Variants in NUFIP1 observed in about 807,000 individuals in gnomAD.
NUFIP1 encodes nuclear FMR1 interacting protein 1, also known as FMR1-interacting protein NUFIP1.
NUFIP1 carries 38 observed loss-of-function variants against 56.2 expected under a neutral mutation model. That is an observed-to-expected ratio of 0.68 (90% CI 0.52 to 0.89). The LOEUF is 0.89. NUFIP1 is among the 40% of genes least tolerant of loss of function. The pLI is 0.00. For synonymous variants in NUFIP1, 215 were observed against 212.4 expected (o/e 1.01, Z -0.10); for missense variants, 567 against 605.8 (o/e 0.94, Z 0.67).
At chr13:44,984,874 A>T (rs549167320) in intron 1 of NUFIP1, among the ~76,000 whole-genome samples, 13 of 151,956 alleles carry the variant, frequency 8.6e-5, no homozygotes, top group Admixed American at 8.5e-4. Context: ...CCCACCCCAC[A>T]ACAGTCCCCA....
intron 9 of NUFIP1, among the ~76,000 whole-genome samples, chr13:44,943,027 T>C (rs376314680): frequency 2.0e-5 from 3 of 150,636 alleles, no homozygotes; most frequent in East Asian, 3.9e-4. Flanking sequence ...TCCCAGAAGA[T>C]AACAAATGAG....
intron 1 of NUFIP1, 148 bp downstream of exon 1, chr13:44,988,876 AC>A: frequency 1.4e-6 from 1 of 719,310 alleles, no homozygotes; most frequent in South Asian, 2.1e-5. Flanking sequence ...TTTTGTAGAG[AC>A]GGGGGTCTCA....
chr13:44,984,017 T>C (rs1306486139), intron 1 of NUFIP1, among the ~76,000 whole-genome samples: 1 of 152,170 alleles, frequency 6.6e-6, no homozygotes, highest in Non-Finnish European at 1.5e-5. Flanking sequence ...GACAGCTTCC[T>C]AGAGACCTTC....
intron 5 of NUFIP1, among the ~76,000 whole-genome samples, chr13:44,967,959 CTTT>C (rs35249686): frequency 3.3e-5 from 5 of 151,700 alleles, no homozygotes; most frequent in South Asian, 2.1e-4. Context: ...TACCTTCTGC[CTTT>C]TTTTTTTTAA....
At position 44,940,947 on chromosome 13, in the gene NUFIP1, A is replaced by G. The variant is rs1870711955; in HGVS notation, c.*259T>C. 7.1e-6 allele frequency: 2 copies of G among 280,392 alleles called. No individual in the cohort carries two copies. The highest frequency in any genetic ancestry group is 4.4e-5 in the African/African-American group (2 of 45,418). The allele number at this position is 280,392 out of a possible 1,614,324, so 17.4% of individuals were successfully genotyped here. A position where few individuals can be genotyped will look rare whatever the true frequency, so the allele number is the denominator to read the frequency against. On this transcript the variant is annotated 3_prime_UTR_variant, in exon 10 of 10. Transcript: ENST00000379161. ...CATTCTTACATGAGAACAATACATTAAAATAAATACAAAGAAAAAATTCTC... is the reference window on the plus strand; with the variant it reads ...CATTCTTACATGAGAACAATACATTGAAATAAATACAAAGAAAAAATTCTC...
At chr13:44,974,771 G>A (rs563064442) in intron 5 of NUFIP1, among the ~76,000 whole-genome samples, 21 of 152,248 alleles carry the variant, frequency 1.4e-4, no homozygotes, top group African/African-American at 3.8e-4. Context: ...AGGCTTGGCC[G>A]TTAGAAATCT....
chr13:44,942,762 A>G (rs1259308566), intron 9 of NUFIP1, among the ~76,000 whole-genome samples: 1 of 152,168 alleles, frequency 6.6e-6, no homozygotes, highest in African/African-American at 2.4e-5. Flanking sequence ...TAATGCTGAG[A>G]ATAAAGCCAC....
intron 5 of NUFIP1, among the ~76,000 whole-genome samples, chr13:44,978,475 A>G (rs1392210153): frequency 6.6e-6 from 1 of 152,180 alleles, no homozygotes; most frequent in African/African-American, 2.4e-5. Context: ...CTTCTGCTTC[A>G]GGATGAAGTG....
At chr13:44,957,652 G>A (rs774656637) in intron 7 of NUFIP1, among the ~76,000 whole-genome samples, 3 of 151,904 alleles carry the variant, frequency 2.0e-5, no homozygotes, top group African/African-American at 7.3e-5. Context: ...AGATACAATC[G>A]TCTTTTAGTT....
chr13:44,955,620 A>G (rs1185993447), intron 7 of NUFIP1, among the ~76,000 whole-genome samples: 1 of 152,246 alleles, frequency 6.6e-6, no homozygotes, highest in African/African-American at 2.4e-5. Context: ...CTGGCCTGCC[A>G]CTGACAACTT....
intron 9 of NUFIP1, among the ~76,000 whole-genome samples, chr13:44,943,010 A>G (rs1199731860): frequency 6.6e-6 from 1 of 151,808 alleles, no homozygotes; most frequent in Non-Finnish European, 1.5e-5. Flanking sequence ...GGAGGGAAGG[A>G]AGACAATCCC....
chr13:44,985,655 G>C (rs930731519), intron 1 of NUFIP1, among the ~76,000 whole-genome samples: 27 of 152,094 alleles, frequency 1.8e-4, no homozygotes, highest in Admixed American at 3.9e-4. Flanking sequence ...ATTGTTTTGA[G>C]ACACCATGAA....
intron 5 of NUFIP1, among the ~76,000 whole-genome samples, chr13:44,975,087 A>G (rs1871925825): frequency 6.6e-6 from 1 of 152,086 alleles, no homozygotes; most frequent in South Asian, 2.1e-4. Flanking sequence ...TTCCAGAGGA[A>G]GTTTTCTTCT....
At chr13:44,959,841 G>A (rs890380638) in intron 6 of NUFIP1, among the ~76,000 whole-genome samples, 22 of 151,974 alleles carry the variant, frequency 1.4e-4, no homozygotes, top group African/African-American at 4.8e-4. Context: ...TTATCCCTCT[G>A]AAATTGGGCT....
At chr13:44,949,531 A>G (rs1871015773) in intron 8 of NUFIP1, among the ~76,000 whole-genome samples, 191 bp downstream of exon 8, 1 of 152,154 alleles carries the variant, frequency 6.6e-6, no homozygotes, top group Non-Finnish European at 1.5e-5. Flanking sequence ...TTTTATTCCC[A>G]GAGTAGCAAC....
At chr13:44,978,682 C>T (rs1872074933) in intron 5 of NUFIP1, among the ~76,000 whole-genome samples, 1 of 152,082 alleles carries the variant, frequency 6.6e-6, no homozygotes, top group South Asian at 2.1e-4. Context: ...ATCTCTTATC[C>T]TTAGCACCTG....
intron 7 of NUFIP1, among the ~76,000 whole-genome samples, chr13:44,956,884 T>C (rs946969140): frequency 6.6e-6 from 1 of 152,064 alleles, no homozygotes; most frequent in Non-Finnish European, 1.5e-5. Context: ...GAACCCCTGG[T>C]CTAAAACAGA....
rs144809802 is a variant in NUFIP1, at chr13:44,953,675, C to T, written c.1022-3837G>A. 9.3e-4 allele frequency among the ~76,000 whole-genome samples: 142 copies of T among 152,154 alleles called. 3 individuals carry two copies. The highest frequency in any genetic ancestry group is 8.8e-3 in the Admixed American group (134 of 15,282). ...TTTTTAGCATTTTCTTACTTTCTGGCGCTATGAGATGCTCTAGGTTCAGCT... is the reference window on the plus strand; with the variant it reads ...TTTTTAGCATTTTCTTACTTTCTGGTGCTATGAGATGCTCTAGGTTCAGCT... On this transcript the variant is annotated intron_variant, in intron 7 of 9. Coordinates refer to ENST00000379161, the MANE Select transcript of NUFIP1 (RefSeq NM_012345.3).
chr13:44,957,429 C>T (rs546433860), intron 7 of NUFIP1, among the ~76,000 whole-genome samples: 6 of 152,258 alleles, frequency 3.9e-5, no homozygotes, highest in South Asian at 2.1e-4. Context: ...CCAGGCTAGT[C>T]GTGAACTCCT....
Sources: allele counts gnomAD v4.1 joint callset (sites outside exome capture counted in the v4.1 genomes callset), GRCh38; gene constraint gnomAD v4.1.1; transcripts MANE v1.5; gene names NCBI Gene and HGNC (gene_info 2026-07-23, HGNC 2026-07-21).